Variants in RNF212 observed in about 807,000 individuals in gnomAD.
RNF212 encodes the protein ring finger protein 212.
RNF212 carries 33 observed loss-of-function variants against 34.7 expected under a neutral mutation model. The ratio of observed to expected loss-of-function variants is 0.95; its 90% CI spans 0.72 to 1.27. The LOEUF (loss-of-function observed/expected upper bound fraction) is 1.27, where lower values mean the gene tolerates loss of function less well. RNF212 is among the 50% of genes most tolerant of loss of function. The pLI, the probability that RNF212 is intolerant of heterozygous loss-of-function variation, is 0.00. For synonymous variants in RNF212, 140 were observed against 136.1 expected (o/e 1.03, Z -0.20); for missense variants, 377 against 362.2 (o/e 1.04, Z -0.33).
intron 3 of RNF212, among the ~76,000 whole-genome samples, chr4:1,058,822 G>A (rs1433254108): frequency 6.6e-6 from 1 of 152,152 alleles, no homozygotes; most frequent in Non-Finnish European, 1.5e-5. Flanking sequence ...GGCAGCTGTG[G>A]GCATGCGGAC....
intron 8 of RNF212, among the ~76,000 whole-genome samples, chr4:1,078,069 G>A (rs886190318): frequency 6.6e-5 from 10 of 152,050 alleles, no homozygotes; most frequent in Admixed American, 1.3e-4. Context: ...TCCATCATCC[G>A]GCTCCGGGTG....
chr4:1,058,719 C>G (rs1209486231), intron 3 of RNF212, among the ~76,000 whole-genome samples: 1 of 152,208 alleles, frequency 6.6e-6, no homozygotes, highest in Non-Finnish European at 1.5e-5. Context: ...ATAGCAAGAC[C>G]TGGAAACGAA....
chr4:1,106,241 A>G (rs1290470541), intron 2 of RNF212, among the ~76,000 whole-genome samples: 1 of 140,784 alleles, frequency 7.1e-6, no homozygotes. Context: ...ATGTTAAACA[A>G]TTTTACTTAC....
intron 2 of RNF212, among the ~76,000 whole-genome samples, chr4:1,102,958 G>A (rs546814128): frequency 6.7e-6 from 1 of 150,298 alleles, no homozygotes; most frequent in South Asian, 2.1e-4. Context: ...TGGCTAACAG[G>A]GTGAAACCCC....
At chr4:1,065,181 T>C (rs965918728) in intron 3 of RNF212, among the ~76,000 whole-genome samples, 13 of 152,256 alleles carry the variant, frequency 8.5e-5, no homozygotes, top group Admixed American at 4.6e-4. Flanking sequence ...CTGGGAATTG[T>C]GTTTTTAAGT....
rs527499963 is a variant in RNF212, at chr4:1,066,200, T to G, written n.147+7399A>C. 1.7e-3 allele frequency among the ~76,000 whole-genome samples: 264 copies of G among 151,732 alleles called. 1 individual carries two copies. Among genetic ancestry groups the G allele is most frequent in the African/African-American group, 6.0e-3 (250 of 41,416 alleles). Reference sequence around the variant, plus strand: ...AGCCTCCTGAACAGCTGGGACTACATGCATGAGCCACTATACCCAGCTCTT... The same window carrying G: ...AGCCTCCTGAACAGCTGGGACTACAGGCATGAGCCACTATACCCAGCTCTT... On this transcript the variant is annotated intron_variant and non_coding_transcript_variant, in intron 3 of 4. Transcript: ENST00000503206.
chr4:1,084,248 G>A (rs886168207), intron 5 of RNF212, among the ~76,000 whole-genome samples: 3 of 152,110 alleles, frequency 2.0e-5, no homozygotes, highest in African/African-American at 7.2e-5. Flanking sequence ...ACTGCGCCTG[G>A]CCCCTTTGAT....
chr4:1,093,853 C>T (rs1410536678), intron 3 of RNF212: 2 of 1,536,068 alleles, frequency 1.3e-6, no homozygotes, highest in Admixed American at 3.9e-5. Flanking sequence ...GGCTCTGGGA[C>T]CGCCGGCATC....
At chr4:1,106,818 A>G (rs976503896) in intron 2 of RNF212, among the ~76,000 whole-genome samples, 12 of 152,252 alleles carry the variant, frequency 7.9e-5, no homozygotes, top group African/African-American at 2.9e-4. Flanking sequence ...ATTTTCTGTT[A>G]AAAGTGCAAA....
chr4:1,073,894 T>C, intron 8 of RNF212: 1 of 546,282 alleles, frequency 1.8e-6, no homozygotes, highest in Non-Finnish European at 3.3e-6. Flanking sequence ...ATTCCCTCTG[T>C]TCCACCAGGG....
chr4:1,077,859 TCC>T (rs1230535652), intron 8 of RNF212, among the ~76,000 whole-genome samples: 1 of 152,106 alleles, frequency 6.6e-6, no homozygotes, highest in Non-Finnish European at 1.5e-5. Context: ...AGGAAGCGTG[TCC>T]CTCTGGAAGC....
At chr4:1,098,347 G>T (rs1302615136) in intron 2 of RNF212, among the ~76,000 whole-genome samples, 1 of 152,250 alleles carries the variant, frequency 6.6e-6, no homozygotes, top group Non-Finnish European at 1.5e-5. Flanking sequence ...AGAAGACAGA[G>T]TATAGACTGG....
intron 4 of RNF212, among the ~76,000 whole-genome samples, chr4:1,087,799 A>C (rs181841120): frequency 1.3e-5 from 2 of 151,678 alleles, no homozygotes; most frequent in East Asian, 3.9e-4. Flanking sequence ...ACGAGATCTG[A>C]TGGTTTAAAA....
At chr4:1,064,638 T>C (rs1717969913) in intron 3 of RNF212, among the ~76,000 whole-genome samples, 1 of 152,212 alleles carries the variant, frequency 6.6e-6, no homozygotes, top group African/African-American at 2.4e-5. Flanking sequence ...TTTTGTTTTT[T>C]GAAAATTTAT....
chr4:1,067,668 C>T (rs1331978955), downstream of RNF212, among the ~76,000 whole-genome samples: 1 of 152,118 alleles, frequency 6.6e-6, no homozygotes, highest in African/African-American at 2.4e-5. Flanking sequence ...GGATCGAGGC[C>T]AGCCTCGTCA....
intron 3 of RNF212, among the ~76,000 whole-genome samples, chr4:1,059,671 T>C (rs1717611721): frequency 6.6e-6 from 1 of 152,240 alleles, no homozygotes; most frequent in Non-Finnish European, 1.5e-5. Context: ...TCATAGCCGT[T>C]GCCTCCTCAT....
At chr4:1,071,016 A>G (rs1442413712), downstream of RNF212, among the ~76,000 whole-genome samples, 1 of 151,994 alleles carries the variant, frequency 6.6e-6, no homozygotes, top group Admixed American at 6.5e-5. Flanking sequence ...TATTTTCAAA[A>G]TAAATTATTT....
intron 2 of RNF212, chr4:1,099,644 G>A (rs548847983): frequency 3.0e-5 from 13 of 431,398 alleles, no homozygotes; most frequent in Admixed American, 2.3e-4. Flanking sequence ...TTTTCTTTTC[G>A]TATTTAATTT....
At chr4:1,063,767 A>G (rs965115934) in intron 3 of RNF212, among the ~76,000 whole-genome samples, 44 of 151,886 alleles carry the variant, frequency 2.9e-4, no homozygotes, top group African/African-American at 1.0e-3. Flanking sequence ...CCAGATACTC[A>G]GGAGGCTGAG....
Sources: gnomAD v4.1 joint callset for allele counts (sites outside exome capture counted in the v4.1 genomes callset) on GRCh38, gnomAD v4.1.1 for gene constraint, MANE v1.5 for transcripts, NCBI Gene and HGNC (gene_info 2026-07-23, HGNC 2026-07-21) for gene names.